The following ADAMTSL1 variants were observed in gnomAD, a reference collection of about 807,000 sequenced individuals.
The protein encoded by ADAMTSL1 is ADAMTS like 1.
ADAMTSL1 carries 126 observed loss-of-function variants against 201.8 expected under a neutral mutation model. The observed-to-expected ratio is 0.62, with a 90% confidence interval of 0.54 to 0.72. The LOEUF is 0.72. Ranked by LOEUF, ADAMTSL1 falls within the 30% of genes least tolerant of loss-of-function variation. ADAMTSL1 has a pLI of 0.00. For missense variants in ADAMTSL1, 2,679 were observed against 2,277.8 expected, an observed-to-expected ratio of 1.18 and a Z score of -3.59; for synonymous variants, 1,121 against 903.4, an observed-to-expected ratio of 1.24 and a Z score of -4.32.
intron 1 of ADAMTSL1, among the ~76,000 whole-genome samples, chr9:18,126,734 G>C (rs563785265): frequency 6.6e-6 from 1 of 152,056 alleles, no homozygotes; most frequent in South Asian, 2.1e-4. Flanking sequence ...TCATGACTTG[G>C]GTAAATCTAG....
intron 23 of ADAMTSL1, among the ~76,000 whole-genome samples, chr9:18,859,232 G>C (rs1010870826): frequency 6.6e-6 from 1 of 152,134 alleles, no homozygotes; most frequent in Non-Finnish European, 1.5e-5. Flanking sequence ...CCTTCTGGAG[G>C]CTCTACGGGG....
intron 1 of ADAMTSL1, among the ~76,000 whole-genome samples, chr9:18,150,161 GCTGT>G (rs1826845152): frequency 6.6e-6 from 1 of 152,046 alleles, no homozygotes. Flanking sequence ...TTGTATCAGT[GCTGT>G]CTGTTTCCAC....
intron 1 of ADAMTSL1, among the ~76,000 whole-genome samples, chr9:17,960,577 ATTGATCTCTTCT>A (rs1377853401): frequency 6.6e-6 from 1 of 152,140 alleles, no homozygotes; most frequent in African/African-American, 2.4e-5. Context: ...ATAAATACCA[ATTGATCTCTTCT>A]TTGTGCACAC....
At chr9:18,176,031 A>G (rs975212875) in intron 2 of ADAMTSL1, among the ~76,000 whole-genome samples, 11 of 146,720 alleles carry the variant, frequency 7.5e-5, no homozygotes, top group South Asian at 6.5e-4. Context: ...AAAAAAAAAA[A>G]AAGGCAAACA....
intron 3 of ADAMTSL1, among the ~76,000 whole-genome samples, chr9:18,539,351 C>T (rs28403986): frequency 0.067 from 10,192 of 152,088 alleles, 1,099 homozygotes; most frequent in African/African-American, 0.23. Flanking sequence ...TAAAGTATGA[C>T]GCACGCTATC....
intron 23 of ADAMTSL1, among the ~76,000 whole-genome samples, chr9:18,838,343 A>G (rs1825451888): frequency 6.8e-6 from 1 of 147,130 alleles, no homozygotes; most frequent in South Asian, 2.2e-4. Context: ...TTGGGTGGGG[A>G]CACAGCCAAA....
intron 7 of ADAMTSL1, among the ~76,000 whole-genome samples, chr9:18,642,285 CTT>C (rs1827497109): frequency 1.2e-5 from 1 of 81,578 alleles, no homozygotes; most frequent in East Asian, 6.7e-4. Context: ...AACAAGTTCT[CTT>C]TTAATTTTTA....
intron 1 of ADAMTSL1, among the ~76,000 whole-genome samples, chr9:17,911,293 A>T (rs1825896923): frequency 1.4e-5 from 1 of 68,970 alleles, no homozygotes; most frequent in Non-Finnish European, 4.4e-5. Context: ...TGAACCCAGC[A>T]TGATCCTATT....
chr9:18,880,237 C>T (rs1816447), intron 23 of ADAMTSL1, among the ~76,000 whole-genome samples: 58,966 of 151,980 alleles, frequency 0.39, 11,891 homozygotes, highest in African/African-American at 0.47. Context: ...GGTATTTTGA[C>T]CTCCTCCCAT....
At chr9:18,412,525 T>C (rs1054266881) in intron 2 of ADAMTSL1, among the ~76,000 whole-genome samples, 2 of 152,246 alleles carry the variant, frequency 1.3e-5, no homozygotes, top group Non-Finnish European at 2.9e-5. Flanking sequence ...ACAGGAAAGA[T>C]AGGATAAATG....
intron 8 of ADAMTSL1, among the ~76,000 whole-genome samples, chr9:18,659,636 G>A (rs1395920194): frequency 2.6e-5 from 4 of 152,130 alleles, no homozygotes; most frequent in Non-Finnish European, 5.9e-5. Flanking sequence ...GTGTGGTGGC[G>A]CGAGCCTGTA....
chr9:18,028,661 T>C (rs1333726112), intron 1 of ADAMTSL1, among the ~76,000 whole-genome samples: 3 of 152,200 alleles, frequency 2.0e-5, no homozygotes, highest in Non-Finnish European at 4.4e-5. Flanking sequence ...TTGGTTACTG[T>C]AGCCTTGTAG....
intron 1 of ADAMTSL1, among the ~76,000 whole-genome samples, chr9:18,499,104 G>A (rs1265469019): frequency 1.3e-5 from 2 of 152,242 alleles, no homozygotes; most frequent in Non-Finnish European, 2.9e-5. Flanking sequence ...AGTAGCAAGG[G>A]ACAGGCTTCA....
chr9:18,687,403 C>T (rs557479208), intron 13 of ADAMTSL1, among the ~76,000 whole-genome samples: 54 of 152,282 alleles, frequency 3.5e-4, no homozygotes, highest in African/African-American at 1.2e-3. Flanking sequence ...TTCCTTCCCC[C>T]CACCAAGGAG....
chr9:18,688,327 C>T (rs1379935127), intron 13 of ADAMTSL1, among the ~76,000 whole-genome samples: 3 of 151,534 alleles, frequency 2.0e-5, no homozygotes, highest in Non-Finnish European at 4.4e-5. Flanking sequence ...CAGGGTTTCA[C>T]CATGTTGGCC....
intron 1 of ADAMTSL1, among the ~76,000 whole-genome samples, chr9:18,162,414 C>G (rs948374911): frequency 3.9e-5 from 6 of 152,000 alleles, no homozygotes; most frequent in Non-Finnish European, 2.9e-5. Context: ...CTGCAAAGTC[C>G]TTTTGGCCAG....
Position 18,681,948 on chromosome 9 carries a change from A to G in ADAMTSL1, c.1478A>G (p.Tyr493Cys), listed in dbSNP as rs1006638856. 6.2e-7 allele frequency: 1 copy of G among 1,614,150 alleles called. No homozygotes were observed. Among genetic ancestry groups the G allele is most frequent in the Non-Finnish European group, 8.5e-7 (1 of 1,179,996 alleles). Residue 493 changes from tyrosine to cysteine, a missense_variant, in exon 12 of 29, where the codon TAT (tyrosine) becomes TGT (cysteine). Tyr to Cys is a radical substitution (Grantham distance 194). Coordinates refer to ENST00000380548, the MANE Select transcript of ADAMTSL1 (RefSeq NM_001040272.6). ...GAATGCATCGTACCCACTCCCTGCT[A>G]TAAACCCAAAGGTAACTTGACAGGT... ...KEECIVPTPCYKPKEKLPVEA... is the reference protein window; with the variant it reads ...KEECIVPTPCCKPKEKLPVEA...
chr9:18,661,909 C>G, intron 8 of ADAMTSL1, 26 bp from the exon 9 acceptor site: 2 of 1,600,706 alleles, frequency 1.2e-6, no homozygotes, highest in Non-Finnish European at 1.7e-6. Flanking sequence ...TACATTTAAA[C>G]TTGCCTGGAT....
chr9:18,712,093 C>T (rs1364537460), intron 14 of ADAMTSL1, among the ~76,000 whole-genome samples: 4 of 137,490 alleles, frequency 2.9e-5, no homozygotes, highest in Non-Finnish European at 6.6e-5. Context: ...AAAAACCCAT[C>T]TGTACATCAC....
Sources: allele counts gnomAD v4.1 joint callset (sites outside exome capture counted in the v4.1 genomes callset), GRCh38; gene constraint gnomAD v4.1.1; transcripts MANE v1.5; gene names NCBI Gene and HGNC (gene_info 2026-07-23, HGNC 2026-07-21).